The following GNG8 variants were observed in gnomAD, a reference collection of about 807,000 sequenced individuals.
GNG8 encodes G protein subunit gamma 8.
In GNG8, 3 loss-of-function variants were observed where a neutral mutation model predicts 4.6. The observed-to-expected ratio is 0.65, with a 90% CI of 0.29 to 1.67. The LOEUF (loss-of-function observed/expected upper bound fraction) is 1.67, where lower values mean the gene tolerates loss of function less well. GNG8 is among the 40% of genes most tolerant of loss of function. GNG8 has a pLI of 0.10. For synonymous variants in GNG8, 32 were observed against 40.5 expected (o/e 0.79, Z 0.80); for missense variants, 88 against 95.2 (o/e 0.92, Z 0.32).
chr19:46,635,254 A>G (rs2052858298), intron 1 of GNG8, among the ~76,000 whole-genome samples: 1 of 151,346 alleles, frequency 6.6e-6, no homozygotes, highest in Non-Finnish European at 1.5e-5. Flanking sequence ...GGGCTGGGGG[A>G]GCCCAACTCG....
intron 2 of GNG8, 121 bp from the exon 3 acceptor site, chr19:46,634,325 C>G (rs1035799492): frequency 8.3e-7 from 1 of 1,204,540 alleles, no homozygotes. Flanking sequence ...AGGCCTTTCC[C>G]CTTGTCTTAC....
At position 46,634,060 on chromosome 19, in the gene GNG8, A is replaced by G. The variant is rs1370470711; in HGVS notation, c.*16T>C. 6.2e-7 allele frequency: 1 copy of G among 1,602,944 alleles called. No homozygotes were observed. Among genetic ancestry groups the G allele is most frequent in the East Asian group, 2.2e-5 (1 of 44,674 alleles). ...GATCCATACTTTGGCAGGGGAGGGT[A>G]AGCTGTCCGGAGGGCTCAGAGCAGA... On this transcript the variant is annotated 3_prime_UTR_variant, in exon 3 of 3. Coordinates refer to ENST00000693335, the MANE Select transcript of GNG8 (RefSeq NM_033258.2).
In GNG8 at chr19:46,634,054, G is replaced by A. The variant is rs762016138; in HGVS notation, c.*22C>T. ...TTATTGGATCCATACTTTGGCAGGG[G>A]AGGGTAAGCTGTCCGGAGGGCTCAG... On this transcript the variant is annotated 3_prime_UTR_variant, in exon 3 of 3. Coordinates refer to ENST00000693335, the MANE Select transcript of GNG8 (RefSeq NM_033258.2). The A allele has an allele frequency of 4.5e-5, 72 of 1,597,578 alleles. No individual in the cohort carries two copies. The highest frequency in any genetic ancestry group is 6.0e-5 in the Non-Finnish European group (70 of 1,170,476).
rs1350763404 is a variant in GNG8, at chr19:46,636,163, C to T, written c.-60G>A. Among the ~76,000 whole-genome samples, 3 of 152,056 alleles carry T rather than the reference C, an allele frequency of 2.0e-5. No homozygotes were observed. The highest frequency in any genetic ancestry group is 1.3e-4 in the Admixed American group (2 of 15,282). On this transcript the variant is annotated 5_prime_UTR_variant, in exon 1 of 3. Coordinates refer to ENST00000693335, the MANE Select transcript of GNG8 (RefSeq NM_033258.2). ...GCTTCCTACCTGTTGCTGCTCTGGG[C>T]CGGGCTCGCGGCGGTGACAGAGGCT...
In GNG8 at chr19:46,634,583, C is replaced by T; in HGVS notation, c.84+16G>A. On this transcript the variant is annotated intron_variant, in intron 2 of 2. Transcript: ENST00000693335. Reference sequence around the variant, plus strand: ...GGCCCAGAACCCCCGCCCTATTCCCCACCCCGACCCAGCACCTTCATGCGG... The same window carrying T: ...GGCCCAGAACCCCCGCCCTATTCCCTACCCCGACCCAGCACCTTCATGCGG... The T allele has an allele frequency of 6.2e-7, 1 of 1,609,966 alleles. No individual in the cohort carries two copies. The highest frequency in any genetic ancestry group is 8.5e-7 in the Non-Finnish European group (1 of 1,177,560).
At chr19:46,634,799 G>C in intron 1 of GNG8, 74 bp from the exon 2 acceptor site, 2 of 741,310 alleles carry the variant, frequency 2.7e-6, no homozygotes, top group East Asian at 5.3e-5. Flanking sequence ...ACAGGTGCGA[G>C]GGTGGAAGGG....
chr19:46,634,028 T>G lies in GNG8; in HGVS notation c.*48A>C. The G allele has an allele frequency of 6.4e-7, 1 of 1,571,452 alleles. No homozygotes were observed. The stretch of plus-strand genomic sequence containing the variant: ...CACAGGCACCACCACAGTTACCAAG[T>G]TTATTGGATCCATACTTTGGCAGGG... On this transcript the variant is annotated 3_prime_UTR_variant, in exon 3 of 3. Transcript: ENST00000693335.
chr19:46,636,532 G>T (rs1047504830), upstream of GNG8, among the ~76,000 whole-genome samples: 1 of 152,086 alleles, frequency 6.6e-6, no homozygotes, highest in African/African-American at 2.4e-5. Flanking sequence ...CGCCACCTCG[G>T]TGTCACCACC....
chr19:46,634,169 G>T lies in GNG8; in HGVS notation c.120C>A (p.Cys40Ter), dbSNP rs769289600. The change falls in exon 3 of 3, where the codon TGC becomes TGA. Residue 40 changes from cysteine to a stop codon, truncating the protein, a stop_gained. Coordinates refer to ENST00000693335, the MANE Select transcript of GNG8 (RefSeq NM_033258.2). LOFTEE classifies it high-confidence loss of function. ...SQAAAELLAFCETHAKDDPLV... is the reference protein window; with the variant it reads ...SQAAAELLAF ...GCGGGTCATCTTTGGCATGCGTCTC[G>T]CAGAAAGCCAGGAGTTCCGCTGCTG... is the stretch of plus-strand genomic sequence containing the variant. 6.2e-7 allele frequency: 1 copy of T among 1,613,284 alleles called. No individual in the cohort carries two copies. The highest frequency in any genetic ancestry group is 8.5e-7 in the Non-Finnish European group (1 of 1,179,832).
rs528370882 is a variant in GNG8, at chr19:46,634,611, G to A, written c.72C>T (p.Ile24=). 6.2e-7 allele frequency: 1 copy of A among 1,612,726 alleles called. No homozygotes were observed. Among genetic ancestry groups the A allele is most frequent in the South Asian group, 1.1e-5 (1 of 91,042 alleles). ...CCCGACCCAGCACCTTCATGCGGTC[G>A]ATGTTCACCTCCAGCTTCAGCTGTT... The part of the protein sequence containing the change: ...TVEQLKLEVN[I]DRMKVSQAAA... Residue 24 remains isoleucine (I), a synonymous_variant, in exon 2 of 3, where the codon ATC becomes ATT. Transcript: ENST00000693335.
At chr19:46,636,625 G>A (rs963827711), upstream of GNG8, among the ~76,000 whole-genome samples, 1 of 151,920 alleles carries the variant, frequency 6.6e-6, no homozygotes, top group Non-Finnish European at 1.5e-5. Flanking sequence ...ACAACCTCAC[G>A]AATGACCTTG....
rs1874722 is a variant in GNG8 at position 46,634,545 on chromosome 19, C to G, written c.84+54G>C. On this transcript the variant is annotated intron_variant, in intron 2 of 2. Transcript: ENST00000693335. Reference sequence around the variant, plus strand: ...GCTCCGAGCCGGGCCGACACAGCCCCGGACAGACCGCAGGCCCAGAACCCC... The same window carrying G: ...GCTCCGAGCCGGGCCGACACAGCCCGGGACAGACCGCAGGCCCAGAACCCC... 6.8e-3 allele frequency: 10,298 copies of G among 1,511,544 alleles called. 294 individuals are homozygous for G. The highest frequency in any genetic ancestry group is 0.065 in the African/African-American group (4,719 of 72,594). The allele number at this position is 1,511,544 out of a possible 1,614,324, so 93.6% of individuals were successfully genotyped here.
chr19:46,635,545 G>A (rs1281895713), intron 1 of GNG8, among the ~76,000 whole-genome samples: 1 of 16,492 alleles, frequency 6.1e-5, no homozygotes, highest in Non-Finnish European at 1.3e-4. Flanking sequence ...GGTGTGGGGT[G>A]GGAGAGGATG....
In GNG8 at chr19:46,634,731, G is replaced by A; in HGVS notation, c.-43-6C>T. ...AAGACGCGCGGGAGTGGGGGCTGTG[G>A]GGGTAGGTTAGGATACGTCTGGGTC... On this transcript the variant is annotated splice_region_variant and splice_polypyrimidine_tract_variant and intron_variant, in intron 1 of 2. Coordinates refer to ENST00000693335, the MANE Select transcript of GNG8 (RefSeq NM_033258.2). 6.6e-7 allele frequency: 1 copy of A among 1,511,440 alleles called. No homozygotes were observed. The highest frequency in any genetic ancestry group is 9.2e-7 in the Non-Finnish European group (1 of 1,090,250). 93.6% of individuals were successfully genotyped at this position (1,511,440 alleles called of 1,614,324 possible).
At chr19:46,636,922 G>C (rs1350560966), upstream of GNG8, 1 of 151,788 alleles carries the variant, frequency 6.6e-6, no homozygotes, top group Non-Finnish European at 1.5e-5. Flanking sequence ...CTCCTGAGTA[G>C]CTGGGATTAC....
intron 1 of GNG8, among the ~76,000 whole-genome samples, chr19:46,635,865 G>A (rs2052865275): frequency 6.7e-6 from 1 of 148,348 alleles, no homozygotes; most frequent in African/African-American, 2.5e-5. Context: ...GAAGGGGGGA[G>A]GGAGGAAGGA....
upstream of GNG8, chr19:46,638,148 A>C: frequency 6.6e-6 from 1 of 152,394 alleles, no homozygotes. The surrounding 1 kb of genome is among the most constrained non-coding windows in gnomAD (Gnocchi z 4.7). Flanking sequence ...ACGGTCTCTC[A>C]CTCCCACATA....
Position 46,634,108 on chromosome 19 carries a change from G to A in GNG8, c.181C>T (p.Arg61Cys), listed in dbSNP as rs760596295. 3 of 1,613,926 alleles carry A rather than the reference G, an allele frequency of 1.9e-6. No individual in the cohort carries two copies. The highest frequency in any genetic ancestry group is 1.1e-5 in the South Asian group (1 of 91,080). The change falls in exon 3 of 3, where the codon CGC (arginine) becomes TGC (cysteine). Residue 61 changes from arginine (R) to cysteine (C), a missense_variant. Physicochemically the swap from Arg to Cys is radical, Grantham distance 180. Transcript: ENST00000693335. ...AGAACACAAAAGAGGCGCTTGTCGC[G>A]GAAGGGGTTCTCCGCGGCGGGTACT... ...TPVPAAENPF[R>C]DKRLFCVLL
upstream of GNG8, among the ~76,000 whole-genome samples, chr19:46,636,444 C>T (rs913957402): frequency 1.3e-5 from 2 of 152,164 alleles, no homozygotes; most frequent in South Asian, 2.1e-4. Context: ...AGGTGGGCCC[C>T]GGGCCTCGCT....
Sources: allele counts gnomAD v4.1 joint callset (sites outside exome capture counted in the v4.1 genomes callset), GRCh38; gene constraint gnomAD v4.1.1; non-coding constraint Gnocchi (gnomAD v3.1); transcripts MANE v1.5; gene names NCBI Gene and HGNC (gene_info 2026-07-23, HGNC 2026-07-21).